The following CHTOP variants were observed in gnomAD, a reference collection of about 807,000 sequenced individuals.
CHTOP encodes chromatin target of PRMT1, also known as chromatin target of PRMT1 protein.
A neutral mutation model predicts 33.6 loss-of-function variants in CHTOP; 18 were observed. The ratio of observed to expected loss-of-function variants is 0.54; its 90% CI spans 0.37 to 0.80. CHTOP has a LOEUF of 0.80. Among genes scored for constraint, CHTOP ranks in the 30% least tolerant of loss-of-function variants. The pLI is 0.00. For synonymous variants in CHTOP, 117 were observed against 127.7 expected, an observed-to-expected ratio of 0.92 and a Z score of 0.56; for missense variants, 263 against 336.8, an observed-to-expected ratio of 0.78 and a Z score of 1.71.
At chr1:153,640,506 A>G (rs1035527426) in intron 3 of CHTOP, among the ~76,000 whole-genome samples, 12 of 151,908 alleles carry the variant, frequency 7.9e-5, no homozygotes, top group Non-Finnish European at 7.4e-5. Context: ...TAGGCTGGGT[A>G]TGGTGGCTCA....
chr1:153,636,789 CAT>C (rs1441499633), intron 2 of CHTOP, 136 bp downstream of exon 2: 3 of 683,690 alleles, frequency 4.4e-6, no homozygotes, highest in Admixed American at 2.9e-5. Flanking sequence ...AGTTGCATCT[CAT>C]GTGGTACACA....
intron 3 of CHTOP, among the ~76,000 whole-genome samples, chr1:153,640,021 G>C (rs935390420): frequency 1.3e-5 from 2 of 152,054 alleles, no homozygotes; most frequent in Non-Finnish European, 2.9e-5. Context: ...TGATCTGCCT[G>C]CCTCAGTATC....
chr1:153,638,563 A>C, intron 3 of CHTOP, 115 bp downstream of exon 3: 1 of 1,199,202 alleles, frequency 8.3e-7, no homozygotes, highest in Non-Finnish European at 1.2e-6. Flanking sequence ...AAAAAGCTGA[A>C]ACTTCTCTGG....
rs140840793 is a variant in CHTOP, at chr1:153,636,608, C to T, written c.20C>T (p.Pro7Leu). 95 of 1,613,372 alleles carry T rather than the reference C, an allele frequency of 5.9e-5. 3 individuals are homozygous for T. The highest frequency in any genetic ancestry group is 5.6e-4 in the South Asian group (51 of 91,066). The change falls in exon 2 of 6, where the codon CCG (proline) becomes CTG (leucine). Residue 7 changes from proline (P) to leucine (L), a missense_variant. Transcript: ENST00000368694. MAAQSA[P>L]KVVLKSTTKM... Reference sequence around the variant, plus strand: ...TCGAAGATGGCTGCACAGTCAGCGCCGAAAGTTGTGCTAAAAAGCACCACC... The same window carrying T: ...TCGAAGATGGCTGCACAGTCAGCGCTGAAAGTTGTGCTAAAAAGCACCACC...
rs1668795233 is a variant in CHTOP at position 153,645,612 on chromosome 1, C to G, written c.*343C>G. 7.3e-6 allele frequency: 2 copies of G among 274,724 alleles called. No individual in the cohort carries two copies. The highest frequency in any genetic ancestry group is 2.2e-5 in the African/African-American group (1 of 44,584). The allele number at this position is 274,724 out of a possible 1,614,324, so 17.0% of individuals were successfully genotyped here. On this transcript the variant is annotated 3_prime_UTR_variant, in exon 6 of 6. Coordinates refer to ENST00000368694, the MANE Select transcript of CHTOP (RefSeq NM_015607.4). ...TCTGTCTCCCCTCACTTGTCATATG[C>G]TCTGACATGCTAACATTTCTTTTGT...
intron 2 of CHTOP, 196 bp from the exon 3 acceptor site, chr1:153,638,099 G>A: frequency 6.7e-6 from 4 of 598,276 alleles, no homozygotes; most frequent in South Asian, 6.2e-5. Flanking sequence ...GCACTTAGCT[G>A]CATTTCTAAG....
At chr1:153,642,139 C>A in intron 3 of CHTOP, 107 bp from the exon 4 acceptor site, 1 of 907,992 alleles carries the variant, frequency 1.1e-6, no homozygotes. Context: ...GTTTATCTCC[C>A]TTCACACCAG....
chr1:153,643,591 A>G (rs1668702578), intron 5 of CHTOP: 5 of 401,780 alleles, frequency 1.2e-5, no homozygotes, highest in African/African-American at 4.2e-5. Flanking sequence ...ATTATATGCC[A>G]TCTTCCTCCA....
chr1:153,637,796 G>T (rs925985632), intron 2 of CHTOP: 1 of 154,400 alleles, frequency 6.5e-6, no homozygotes, highest in African/African-American at 2.4e-5. Context: ...AATTATTTAT[G>T]TTTGCATAAT....
chr1:153,643,605 T>C, intron 5 of CHTOP: 1 of 375,044 alleles, frequency 2.7e-6, no homozygotes, highest in Non-Finnish European at 4.7e-6. Flanking sequence ...TCCTCCAAGC[T>C]CTTGCAAATT....
intron 2 of CHTOP, chr1:153,637,501 AGCTG>A (rs1314969380): frequency 6.6e-6 from 1 of 152,182 alleles, no homozygotes; most frequent in African/African-American, 2.4e-5. Context: ...TAGAAAAATT[AGCTG>A]GGCGTGGTGG....
chr1:153,645,308 A>C lies in CHTOP; in HGVS notation c.*39A>C, dbSNP rs577747921. On this transcript the variant is annotated 3_prime_UTR_variant, in exon 6 of 6. Coordinates refer to ENST00000368694, the MANE Select transcript of CHTOP (RefSeq NM_015607.4). ...TCCCATGAGAGACTCTTGTTAGTCA[A>C]CACATCTGTAAATAACCTTGAGATA... 5.7e-6 allele frequency: 9 copies of C among 1,587,946 alleles called. No individual in the cohort carries two copies. Among genetic ancestry groups the C allele is most frequent in the Non-Finnish European group, 7.8e-6 (9 of 1,158,328 alleles).
chr1:153,634,839 C>CATGCATATATATATGTATATAT, intron 1 of CHTOP, among the ~76,000 whole-genome samples: 1 of 143,818 alleles, frequency 7.0e-6, no homozygotes, highest in Non-Finnish European at 1.5e-5. Context: ...TATATATATA[C>CATGCATATATATATGTATATAT]ATACATATAT....
intron 3 of CHTOP, among the ~76,000 whole-genome samples, chr1:153,639,884 C>T (rs577528962): frequency 5.3e-5 from 8 of 152,262 alleles, no homozygotes; most frequent in South Asian, 2.1e-4. Flanking sequence ...CTCCGCCTCC[C>T]GGGTTCAAGC....
At chr1:153,636,848 A>C in intron 2 of CHTOP, 195 bp downstream of exon 2, 1 of 559,280 alleles carries the variant, frequency 1.8e-6, no homozygotes, top group Non-Finnish European at 3.3e-6. Flanking sequence ...GTAGACTTTT[A>C]TGTTAAGCTG....
chr1:153,645,711 C>G lies in CHTOP; in HGVS notation c.*442C>G, dbSNP rs1054641201. 1 of 173,844 alleles carries G rather than the reference C, an allele frequency of 5.8e-6. No homozygotes were observed. The highest frequency in any genetic ancestry group is 1.2e-5 in the Non-Finnish European group (1 of 81,374). The allele number at this position is 173,844 out of a possible 1,614,324, so 10.8% of individuals were successfully genotyped here. A position where few individuals can be genotyped will look rare whatever the true frequency, so the allele number is the denominator to read the frequency against. ...TCCTTCCTCCCTGATCCTTAGGTTT[C>G]TGAAATAGGGTTCTGTTACATCCTC... On this transcript the variant is annotated 3_prime_UTR_variant, in exon 6 of 6. Coordinates refer to ENST00000368694, the MANE Select transcript of CHTOP (RefSeq NM_015607.4).
Position 153,643,279 on chromosome 1 carries a change from A to G in CHTOP, c.456A>G (p.Arg152=). ...CCGTAGCTCCCCGAATGGGCTTAAG[A>G]AGAGGTGGTGTTCGAGGTCGTGGAG... ...GRAVAPRMGL[R]RGGVRGRGGP... is the part of the protein sequence containing the mutation. The change falls in exon 5 of 6, where the codon AGA becomes AGG. Residue 152 remains arginine, a synonymous_variant. Transcript: ENST00000368694. The G allele has an allele frequency of 6.2e-7, 1 of 1,614,068 alleles. No homozygotes were observed. The highest frequency in any genetic ancestry group is 8.5e-7 in the Non-Finnish European group (1 of 1,180,010).
At chr1:153,637,939 G>A (rs1038988030) in intron 2 of CHTOP, 2 of 229,924 alleles carry the variant, frequency 8.7e-6, no homozygotes, top group Non-Finnish European at 8.8e-6. Context: ...AATGCACCTC[G>A]GATCCCCCAA....
rs368868643 is a variant in CHTOP at position 153,636,265 on chromosome 1, A to G, written c.-17-307A>G. On this transcript the variant is annotated intron_variant, in intron 1 of 5. Transcript: ENST00000368694. ...TATAATAATCTGAGGTAATTGCCAT[A>G]GAAACTTAAGAACTTTTGCTGGGCG... Among the ~76,000 whole-genome samples, 77 of 152,054 alleles carry G rather than the reference A, an allele frequency of 5.1e-4. 1 individual carries two copies. The South Asian group carries it at 0.011, about 22-fold the overall frequency.
Sources: gnomAD v4.1 joint callset for allele counts (sites outside exome capture counted in the v4.1 genomes callset) on GRCh38, gnomAD v4.1.1 for gene constraint, MANE v1.5 for transcripts, NCBI Gene and HGNC (gene_info 2026-07-23, HGNC 2026-07-21) for gene names.